SASH1: variants seen among roughly 807,000 people sequenced by gnomAD.
The protein encoded by SASH1 is SAM and SH3 domain containing 1, also known as SAM and SH3 domain-containing protein 1.
SASH1 carries 44 observed loss-of-function variants against 125.2 expected under a neutral mutation model. The observed-to-expected ratio is 0.35, with a 90% confidence interval of 0.28 to 0.45. The LOEUF (loss-of-function observed/expected upper bound fraction) is 0.45. Ranked by LOEUF, SASH1 falls within the 20% of genes least tolerant of loss-of-function variation. The probability of loss-of-function intolerance (pLI) is 1.00; values close to 1 mark genes in which losing one functional copy is unlikely to be tolerated. For missense variants in SASH1, 1,426 were observed against 1,614.5 expected, an observed-to-expected ratio of 0.88 and a Z score of 2.00; for synonymous variants, 639 against 649.1, an observed-to-expected ratio of 0.98 and a Z score of 0.24.
chr6:148,315,456 C>G (rs2128519972), intron 1 of SASH1, among the ~76,000 whole-genome samples: 1 of 152,326 alleles, frequency 6.6e-6, no homozygotes, highest in Non-Finnish European at 1.5e-5. Flanking sequence ...TCTGTTCAAC[C>G]ACTACCTTAG....
intron 12 of SASH1, among the ~76,000 whole-genome samples, chr6:148,530,350 A>G (rs1037523777): frequency 2.6e-5 from 4 of 152,186 alleles, no homozygotes; most frequent in African/African-American, 9.7e-5. Flanking sequence ...GAAGATTTTA[A>G]TGGGAAAAAA....
intron 1 of SASH1, among the ~76,000 whole-genome samples, chr6:148,376,017 G>A (rs942523355): frequency 6.6e-6 from 1 of 152,062 alleles, no homozygotes; most frequent in African/African-American, 2.4e-5. Flanking sequence ...AGAGTTTTTT[G>A]GGGATTGCAT....
intron 1 of SASH1, among the ~76,000 whole-genome samples, chr6:148,376,313 T>A (rs910952477): frequency 1.3e-5 from 2 of 152,094 alleles, no homozygotes; most frequent in Admixed American, 6.5e-5. Flanking sequence ...AAGTGATTCA[T>A]CCACCTGGGC....
rs766535568 is a variant in SASH1, at chr6:148,343,168, G to T, written c.101G>T (p.Gly34Val). ...GAGCCGGAACCGGAGCCCAAGCCGG[G>T]TGCTGGCACATCCGAGGCGTTCTCC... The part of the protein sequence containing the change: ...APEPEPEPKP[G>V]AGTSEAFSRL... The change falls in exon 1 of 20, where the codon GGT (glycine) becomes GTT (valine). Residue 34 changes from glycine (G) to valine (V), a missense_variant. Gly to Val is a moderately radical substitution (Grantham distance 109). Transcript: ENST00000367467. 7.7e-5 allele frequency: 123 copies of T among 1,600,262 alleles called. No homozygotes were observed. The highest frequency in any genetic ancestry group is 6.6e-4 in the Middle Eastern group (4 of 6,080).
the SASH1 span, among the ~76,000 whole-genome samples, chr6:148,207,555 A>G: frequency 6.6e-6 from 1 of 152,316 alleles, no homozygotes; most frequent in South Asian, 2.1e-4. Flanking sequence ...CTTTAGTGTG[A>G]AAGAAGGCCC....
intron 1 of SASH1, among the ~76,000 whole-genome samples, chr6:148,315,324 T>C (rs1339474319): frequency 1.3e-5 from 2 of 152,186 alleles, no homozygotes; most frequent in African/African-American, 4.8e-5. Context: ...CAAACTAACT[T>C]TTTTATTTGT....
chr6:148,286,093 T>C (rs1326053643), intron 1 of SASH1, among the ~76,000 whole-genome samples: 1 of 152,068 alleles, frequency 6.6e-6, no homozygotes, highest in Non-Finnish European at 1.5e-5. Flanking sequence ...CCACATAAAA[T>C]CTTTACAAAC....
chr6:148,516,939 C>T (rs1480485338), intron 9 of SASH1, among the ~76,000 whole-genome samples: 1 of 152,110 alleles, frequency 6.6e-6, no homozygotes, highest in East Asian at 1.9e-4. Flanking sequence ...GGTTTCAAGT[C>T]CTTATCCTGT....
intron 1 of SASH1, among the ~76,000 whole-genome samples, chr6:148,379,424 A>G (rs116901239): frequency 5.9e-5 from 9 of 152,284 alleles, no homozygotes; most frequent in African/African-American, 1.7e-4. Context: ...TCATGTATCA[A>G]TGTCTCATTA....
rs1259560943 is a variant in SASH1 at position 148,343,227 on chromosome 6, A to C, written c.156+4A>C. On this transcript the variant is annotated splice_donor_region_variant and intron_variant, in intron 1 of 19. Coordinates refer to ENST00000367467, the MANE Select transcript of SASH1 (RefSeq NM_015278.5). ...GACCGACGTGATGGGTATCCTGGTAAGTTACCTGGGGAGGGGGCGGCGCAG... is the reference window on the plus strand; with the variant it reads ...GACCGACGTGATGGGTATCCTGGTACGTTACCTGGGGAGGGGGCGGCGCAG... The C allele has an allele frequency of 3.2e-6, 5 of 1,582,138 alleles. No individual in the cohort carries two copies. Among genetic ancestry groups the C allele is most frequent in the Non-Finnish European group, 2.6e-6 (3 of 1,168,872 alleles).
At chr6:148,359,514 G>A (rs1782104839) in intron 1 of SASH1, among the ~76,000 whole-genome samples, 1 of 152,082 alleles carries the variant, frequency 6.6e-6, no homozygotes. Flanking sequence ...AGTAAAGAAA[G>A]TGGTTTCTTG....
At chr6:148,195,381 C>T in the SASH1 span, among the ~76,000 whole-genome samples, 1 of 152,220 alleles carries the variant, frequency 6.6e-6, no homozygotes, top group African/African-American at 2.4e-5. Context: ...GGCCGATGCT[C>T]AGGAAATACA....
intron 1 of SASH1, among the ~76,000 whole-genome samples, chr6:148,324,431 C>T (rs571789402): frequency 6.6e-6 from 1 of 152,148 alleles, no homozygotes; most frequent in Non-Finnish European, 1.5e-5. Flanking sequence ...AGCACTGTCC[C>T]CTGCCTGGTT....
intron 1 of SASH1, among the ~76,000 whole-genome samples, chr6:148,358,060 C>CAAAAA (rs34729070): frequency 3.0e-5 from 2 of 65,610 alleles, no homozygotes. Flanking sequence ...AACTCCGTCT[C>CAAAAA]AAAAAAAAAA....
At chr6:148,203,370 C>G in the SASH1 span, among the ~76,000 whole-genome samples, 1 of 152,144 alleles carries the variant, frequency 6.6e-6, no homozygotes, top group African/African-American at 2.4e-5. Flanking sequence ...CTTTTCCATC[C>G]TCCCGTCTTC....
At chr6:148,431,416 C>G (rs551440598) in intron 2 of SASH1, among the ~76,000 whole-genome samples, 1 of 152,204 alleles carries the variant, frequency 6.6e-6, no homozygotes, top group East Asian at 1.9e-4. Context: ...CCAGGCTGGT[C>G]TCAAACTCAT....
Position 148,398,595 on chromosome 6 carries a change from C to A in SASH1, c.285+8333C>A, listed in dbSNP as rs536871910. On this transcript the variant is annotated intron_variant, in intron 2 of 19. Transcript: ENST00000367467. Reference sequence around the variant, plus strand: ...GTCGTCCCTGAATTCTTATTCTTATCCCCATAGGATAAGAATGAGAACTGT... The same window carrying A: ...GTCGTCCCTGAATTCTTATTCTTATACCCATAGGATAAGAATGAGAACTGT... 1.3e-5 allele frequency among the ~76,000 whole-genome samples: 2 copies of A among 152,274 alleles called. 1 individual carries two copies. The highest frequency in any genetic ancestry group is 4.8e-5 in the African/African-American group (2 of 41,550).
intron 1 of SASH1, among the ~76,000 whole-genome samples, chr6:148,353,238 T>C (rs992767016): frequency 6.6e-6 from 1 of 151,566 alleles, no homozygotes. Context: ...CAGCTTATTA[T>C]ATTTTTCTTA....
At position 148,544,101 on chromosome 6, in the gene SASH1, G is replaced by C. The variant is rs374374360; in HGVS notation, c.2631G>C (p.Thr877=). 1.9e-6 allele frequency: 3 copies of C among 1,614,026 alleles called. No individual in the cohort carries two copies. Among genetic ancestry groups the C allele is most frequent in the South Asian group, 2.2e-5 (2 of 91,072 alleles). Residue 877 remains threonine, a synonymous_variant, in exon 18 of 20, where the codon ACG becomes ACC. Coordinates refer to ENST00000367467, the MANE Select transcript of SASH1 (RefSeq NM_015278.5). The surrounding 1 kb of genome is among the most constrained non-coding windows in gnomAD (Gnocchi z 6.4). ...EVPQKTTASS[T]KAQPLEQDSA... ...CACAGAAGACGACCGCCTCTTCCAC[G>C]AAGGCCCAGCCCCTGGAGCAAGACT... is the stretch of plus-strand genomic sequence containing the variant.
Sources: allele counts gnomAD v4.1 joint callset (sites outside exome capture counted in the v4.1 genomes callset), GRCh38; gene constraint gnomAD v4.1.1; non-coding constraint Gnocchi (gnomAD v3.1); transcripts MANE v1.5; gene names NCBI Gene and HGNC (gene_info 2026-07-23, HGNC 2026-07-21).